Variants in ATG2B observed in about 807,000 individuals in gnomAD.
ATG2B encodes autophagy related 2B, also known as autophagy-related protein 2 homolog B.
In ATG2B, 121 loss-of-function variants were observed where a neutral mutation model predicts 241.3. The observed-to-expected ratio is 0.50, with a 90% CI of 0.43 to 0.58. ATG2B has a LOEUF of 0.58. Among genes scored for constraint, ATG2B ranks in the 20% least tolerant of loss-of-function variants. ATG2B has a pLI of 0.00. For missense variants in ATG2B, 2,306 were observed against 2,491.6 expected (o/e 0.93, Z 1.59); for synonymous variants, 858 against 876.6 (o/e 0.98, Z 0.37).
intron 15 of ATG2B, 31 bp from the exon 16 acceptor site, chr14:96,324,029 G>T: frequency 6.9e-7 from 1 of 1,446,074 alleles, no homozygotes; most frequent in Non-Finnish European, 9.5e-7. Context: ...ACTGAAATGT[G>T]CTTCTTCTCA....
Position 96,285,514 on chromosome 14 carries a change from G to A in ATG2B, c.*241C>T. 2 of 521,202 alleles carry A rather than the reference G, an allele frequency of 3.8e-6. No homozygotes were observed. Among genetic ancestry groups the A allele is most frequent in the South Asian group, 2.4e-5 (1 of 41,514 alleles). The allele number at this position is 521,202 out of a possible 1,614,324, so 32.3% of individuals were successfully genotyped here. On this transcript the variant is annotated 3_prime_UTR_variant, in exon 42 of 42. Coordinates refer to ENST00000359933, the MANE Select transcript of ATG2B (RefSeq NM_018036.7). The surrounding 1 kb of genome is among the most constrained non-coding windows in gnomAD (Gnocchi z 4.2). ...CAAAAGTGAGCCTTCCACTAACTTG[G>A]CAGCAAATGCTTTAAGGACCTTTGA...
rs1888126974 is a variant in ATG2B at position 96,344,708 on chromosome 14, T to C, written c.527A>G (p.Glu176Gly). The change falls in exon 4 of 42, where the codon GAA becomes GGA. Residue 176 changes from glutamate (E) to glycine (G), a missense_variant. This residue lies in a region of ATG2B where 1,927 missense variants were observed against 2,011.2 expected (regional missense o/e 0.96). Coordinates refer to ENST00000359933, the MANE Select transcript of ATG2B (RefSeq NM_018036.7). ...VTFIDTVLRIEHVPENSKTGT... is the reference protein window; with the variant it reads ...VTFIDTVLRIGHVPENSKTGT... ...AGTTTTGGAATTTTCTGGCACATGT[T>C]CAATTCTCAAAACAGTATCTATAAA... 6.2e-7 allele frequency: 1 copy of C among 1,606,704 alleles called. No homozygotes were observed. The highest frequency in any genetic ancestry group is 1.7e-5 in the Admixed American group (1 of 59,062).
At position 96,290,357 on chromosome 14, in the gene ATG2B, G is replaced by T; in HGVS notation, c.5856+79C>A. On this transcript the variant is annotated intron_variant, in intron 40 of 41. Transcript: ENST00000359933. The surrounding 1 kb of genome is among the most constrained non-coding windows in gnomAD (Gnocchi z 4.4). ...TCACAACATTTTGTATATCTTCACAGTATCGTTTTAAAAACAAAAGGACCC... is the reference window on the plus strand; with the variant it reads ...TCACAACATTTTGTATATCTTCACATTATCGTTTTAAAAACAAAAGGACCC... 1 of 1,504,882 alleles carries T rather than the reference G, an allele frequency of 6.6e-7. No individual in the cohort carries two copies. Among genetic ancestry groups the T allele is most frequent in the Non-Finnish European group, 9.0e-7 (1 of 1,111,750 alleles). The allele number at this position is 1,504,882 out of a possible 1,614,324, so 93.2% of individuals were successfully genotyped here.
chr14:96,348,608 A>G (rs1329852959), intron 1 of ATG2B, among the ~76,000 whole-genome samples: 2 of 151,534 alleles, frequency 1.3e-5, no homozygotes, highest in Non-Finnish European at 2.9e-5. Flanking sequence ...ACTTGGACCC[A>G]GGAGGCGGAG....
At chr14:96,316,391 ATAT>A in intron 21 of ATG2B, 139 bp downstream of exon 21, 1 of 817,968 alleles carries the variant, frequency 1.2e-6, no homozygotes, top group Non-Finnish European at 1.9e-6. Flanking sequence ...TAATTTGTAA[ATAT>A]TACTTTGACA....
chr14:96,315,290 A>G (rs1264037115), intron 22 of ATG2B, 56 bp from the exon 23 acceptor site: 1 of 1,587,484 alleles, frequency 6.3e-7, no homozygotes, highest in Non-Finnish European at 8.6e-7. Context: ...CTATAACTCA[A>G]AAGTTTTTCC....
chr14:96,297,705 C>G (rs1488334576), intron 34 of ATG2B, among the ~76,000 whole-genome samples: 2 of 152,140 alleles, frequency 1.3e-5, no homozygotes, highest in African/African-American at 4.8e-5. Flanking sequence ...CCACTAATCA[C>G]TAGCTTTTTA....
intron 34 of ATG2B, among the ~76,000 whole-genome samples, chr14:96,296,106 A>C (rs1018507336): frequency 1.3e-5 from 2 of 152,206 alleles, no homozygotes; most frequent in Non-Finnish European, 2.9e-5. Context: ...GGCGCCCGCC[A>C]CCATGCCCAG....
At chr14:96,334,872 C>A (rs538197660) in intron 6 of ATG2B, among the ~76,000 whole-genome samples, 1 of 152,280 alleles carries the variant, frequency 6.6e-6, no homozygotes, top group South Asian at 2.1e-4. Context: ...AAATCATAAT[C>A]CTTAAAGTCT....
At chr14:96,308,034 ACTCAT>A (rs1347612866) in intron 29 of ATG2B, among the ~76,000 whole-genome samples, 2 of 150,272 alleles carry the variant, frequency 1.3e-5, no homozygotes, top group Non-Finnish European at 3.0e-5. Context: ...CCTCAGAATT[ACTCAT>A]CCTTACAGGT....
chr14:96,311,230 A>C lies in ATG2B; in HGVS notation c.4048T>G (p.Ser1350Ala), dbSNP rs1887146061. ...TTCATTAACGCAGCACAAGAGTCTG[A>C]GCACGTTCTGATATGGACAACATCG... ...SSDVVHIRTC[S>A]DSCAALMNLI... Residue 1350 changes from serine to alanine, a missense_variant, in exon 28 of 42, where the codon TCA becomes GCA. Ser to Ala is a moderately conservative substitution (Grantham distance 99, BLOSUM62 1). Around this residue, in one of 2 missense-constraint regions of ATG2B, gnomAD observed 1,927 missense variants for 2,011.2 expected, o/e 0.96. Transcript: ENST00000359933. The C allele has an allele frequency of 1.2e-6, 2 of 1,613,956 alleles. No individual in the cohort carries two copies. The highest frequency in any genetic ancestry group is 1.7e-6 in the Non-Finnish European group (2 of 1,179,952).
intron 34 of ATG2B, among the ~76,000 whole-genome samples, chr14:96,297,127 T>C (rs1886664785): frequency 6.6e-6 from 1 of 152,166 alleles, no homozygotes; most frequent in African/African-American, 2.4e-5. Flanking sequence ...CATACACATT[T>C]AATATATATA....
chr14:96,317,419 GA>G (rs2139865697), intron 19 of ATG2B, 102 bp from the exon 20 acceptor site: 1 of 1,049,858 alleles, frequency 9.5e-7, no homozygotes, highest in East Asian at 2.6e-5. Flanking sequence ...GTTTTACAAA[GA>G]ATATGGTGTG....
rs1417101559 is a variant in ATG2B, at chr14:96,290,351, T to C, written c.5856+85A>G. ...ATCTACTCACAACATTTTGTATATC[T>C]TCACAGTATCGTTTTAAAAACAAAA... is the stretch of plus-strand genomic sequence containing the variant. On this transcript the variant is annotated intron_variant, in intron 40 of 41. Transcript: ENST00000359933. This position sits in a 1 kb window ranked among gnomAD's most constrained non-coding sequence, Gnocchi z 4.4. 1 of 1,487,292 alleles carries C rather than the reference T, an allele frequency of 6.7e-7. No homozygotes were observed. The highest frequency in any genetic ancestry group is 9.1e-7 in the Non-Finnish European group (1 of 1,101,628). The allele number at this position is 1,487,292 out of a possible 1,614,324, so 92.1% of individuals were successfully genotyped here.
Position 96,290,880 on chromosome 14 carries a change from T to C in ATG2B, c.5635A>G (p.Ile1879Val). ...SYAITEWLND[I>V]KKNQLPGILG... ...ATTCCTGGTAGCTGGTTCTTCTTAA[T>C]GTCATTAAGCCACTCAGTGATTGCA... Residue 1879 changes from isoleucine (I) to valine (V), a missense_variant, in exon 39 of 42, where the codon ATT (isoleucine) becomes GTT (valine). Ile to Val is a conservative substitution (Grantham distance 29). Around this residue, in one of 2 missense-constraint regions of ATG2B, gnomAD observed 379 missense variants for 480.4 expected, o/e 0.79. Coordinates refer to ENST00000359933, the MANE Select transcript of ATG2B (RefSeq NM_018036.7). The surrounding 1 kb of genome is among the most constrained non-coding windows in gnomAD (Gnocchi z 4.4). 1 of 1,614,020 alleles carries C rather than the reference T, an allele frequency of 6.2e-7. No homozygotes were observed. The highest frequency in any genetic ancestry group is 8.5e-7 in the Non-Finnish European group (1 of 1,179,916).
chr14:96,311,362 CATTA>C, intron 27 of ATG2B, 75 bp from the exon 28 acceptor site: 1 of 1,388,394 alleles, frequency 7.2e-7, no homozygotes, highest in Non-Finnish European at 9.9e-7. Flanking sequence ...CATAGATTTA[CATTA>C]AATAAGATTC....
Position 96,279,547 on chromosome 14 carries a change from G to C in ATG2B, c.*6208C>G, listed in dbSNP as rs1886141122. 2 of 152,248 alleles carry C rather than the reference G, an allele frequency of 1.3e-5. No homozygotes were observed. Among genetic ancestry groups the C allele is most frequent in the Admixed American group, 1.3e-4 (2 of 15,286 alleles). 9.4% of individuals were successfully genotyped at this position (152,248 alleles called of 1,614,324 possible). A position where few individuals can be genotyped will look rare whatever the true frequency, so the allele number is the denominator to read the frequency against. ...AACAGACGTGGATCTACAGTATGCG[G>C]GGAGTGCCGCAAAGTTTAACAAACA... On this transcript the variant is annotated 3_prime_UTR_variant, in exon 42 of 42. Coordinates refer to ENST00000359933, the MANE Select transcript of ATG2B (RefSeq NM_018036.7).
intron 15 of ATG2B, among the ~76,000 whole-genome samples, chr14:96,325,100 A>G (rs376909212): frequency 4.6e-5 from 7 of 152,346 alleles, no homozygotes; most frequent in African/African-American, 1.7e-4. Context: ...ACTAGCGATT[A>G]GTTAGTGTAA....
intron 14 of ATG2B, among the ~76,000 whole-genome samples, 165 bp downstream of exon 14, chr14:96,328,182 C>T (rs1887633184): frequency 6.6e-6 from 1 of 152,130 alleles, no homozygotes; most frequent in Admixed American, 6.5e-5. Flanking sequence ...TTTAGCTAGT[C>T]TACTATCAAG....
Sources: allele counts gnomAD v4.1 joint callset (sites outside exome capture counted in the v4.1 genomes callset), GRCh38; gene constraint gnomAD v4.1.1; regional missense constraint gnomAD v4.1.1; non-coding constraint Gnocchi (gnomAD v3.1); transcripts MANE v1.5; gene names NCBI Gene and HGNC (gene_info 2026-07-23, HGNC 2026-07-21).